The following RABGAP1L variants were observed in gnomAD, a reference collection of about 807,000 sequenced individuals.
The protein encoded by RABGAP1L is rab GTPase-activating protein 1-like.
A neutral mutation model predicts 137.7 loss-of-function variants in RABGAP1L; 63 were observed. The ratio of observed to expected loss-of-function variants is 0.46; its 90% CI spans 0.37 to 0.56. The LOEUF (loss-of-function observed/expected upper bound fraction) is 0.56, where lower values mean the gene tolerates loss of function less well. Among genes scored for constraint, RABGAP1L ranks in the 20% least tolerant of loss-of-function variants. The pLI, the probability that RABGAP1L is intolerant of heterozygous loss-of-function variation, is 0.00. For missense variants in RABGAP1L, 1,095 were observed against 1,244.0 expected, an observed-to-expected ratio of 0.88 and a Z score of 1.80; for synonymous variants, 431 against 433.7, an observed-to-expected ratio of 0.99 and a Z score of 0.08.
chr1:174,865,366 TAATA>T (rs1289095836), intron 19 of RABGAP1L, among the ~76,000 whole-genome samples: 2 of 152,090 alleles, frequency 1.3e-5, no homozygotes, highest in African/African-American at 4.8e-5. Context: ...CAACTTATAT[TAATA>T]GTGTTAAGCG....
At chr1:174,315,012 T>A (rs1390470871) in intron 11 of RABGAP1L, among the ~76,000 whole-genome samples, 1 of 152,138 alleles carries the variant, frequency 6.6e-6, no homozygotes, top group African/African-American at 2.4e-5. Flanking sequence ...GTCCATTAGG[T>A]CTATGATGCA....
chr1:174,704,280 T>C (rs1457346485), intron 17 of RABGAP1L, among the ~76,000 whole-genome samples: 1 of 152,224 alleles, frequency 6.6e-6, no homozygotes, highest in Admixed American at 6.5e-5. Flanking sequence ...GCCAGATTCC[T>C]CTTTCTTAAA....
At chr1:174,588,305 A>G (rs1237875138) in intron 13 of RABGAP1L, among the ~76,000 whole-genome samples, 2 of 152,114 alleles carry the variant, frequency 1.3e-5, no homozygotes, top group African/African-American at 4.8e-5. Flanking sequence ...CCAAGATTAC[A>G]GGCATGCACC....
rs978768650 is a variant in RABGAP1L at position 174,832,119 on chromosome 1, C to G, written c.2340+20159C>G. On this transcript the variant is annotated intron_variant, in intron 19 of 25. Coordinates refer to ENST00000681986, the MANE Select transcript of RABGAP1L (RefSeq NM_001366446.1). ...ACTAGCCTGGCCATCATAGTGAAAC[C>G]CTGTCTCTACAAAAAATGCAAAAAT... Among the ~76,000 whole-genome samples the G allele has an allele frequency of 7.5e-5, 11 of 146,586 alleles. 1 individual carries two copies. Among genetic ancestry groups the G allele is most frequent in the African/African-American group, 2.5e-4 (10 of 40,170 alleles).
intron 1 of RABGAP1L, among the ~76,000 whole-genome samples, chr1:174,203,957 T>A (rs925500400): frequency 2.9e-5 from 4 of 139,810 alleles, no homozygotes; most frequent in Admixed American, 2.1e-4. Context: ...TTTTTTTTTT[T>A]AAAGATAGTG....
rs777928134 is a variant in RABGAP1L at position 174,578,791 on chromosome 1, CTA to C, written c.1711-58582_1711-58581del. On this transcript the variant is annotated intron_variant, in intron 13 of 25. Coordinates refer to ENST00000681986, the MANE Select transcript of RABGAP1L (RefSeq NM_001366446.1). ...ATTGTATTTTCTAAGATAAATTCTT[CTA>C]TGTTATATTATTACTTTATTAAAAT... 2.0e-5 allele frequency among the ~76,000 whole-genome samples: 3 copies of C among 150,592 alleles called. No homozygotes were observed. The South Asian group carries it at 6.3e-4, about 32-fold the overall frequency.
intron 13 of RABGAP1L, among the ~76,000 whole-genome samples, chr1:174,621,072 A>G (rs962476874): frequency 2.6e-5 from 4 of 152,310 alleles, no homozygotes; most frequent in African/African-American, 9.6e-5. Flanking sequence ...ACACCCTCCC[A>G]AGACTAAACC....
At chr1:174,284,055 A>T (rs1371125985) in intron 10 of RABGAP1L, among the ~76,000 whole-genome samples, 9 of 152,214 alleles carry the variant, frequency 5.9e-5, no homozygotes, top group Non-Finnish European at 1.5e-5. Flanking sequence ...TTGTGAAATG[A>T]TTACCGAAAT....
chr1:174,856,883 C>T (rs1450031880), intron 19 of RABGAP1L, among the ~76,000 whole-genome samples: 1 of 151,628 alleles, frequency 6.6e-6, no homozygotes. Flanking sequence ...GTCAAGATCA[C>T]CCCACTGCAT....
chr1:174,698,126 A>G (rs1380486894), intron 15 of RABGAP1L, among the ~76,000 whole-genome samples: 3 of 152,224 alleles, frequency 2.0e-5, no homozygotes, highest in African/African-American at 7.2e-5. Context: ...GAAATACCAT[A>G]ATCAACCAAA....
At chr1:174,660,890 C>A (rs1676326179) in intron 14 of RABGAP1L, among the ~76,000 whole-genome samples, 1 of 152,174 alleles carries the variant, frequency 6.6e-6, no homozygotes, top group African/African-American at 2.4e-5. Flanking sequence ...GCACTTATTG[C>A]CTTCAAAGAT....
chr1:174,246,486 T>G (rs1672273795), intron 5 of RABGAP1L: 1 of 152,286 alleles, frequency 6.6e-6, no homozygotes, highest in East Asian at 1.9e-4. Flanking sequence ...ATCCATGGAG[T>G]CAACTAACCA....
intron 12 of RABGAP1L, among the ~76,000 whole-genome samples, chr1:174,379,032 A>G (rs969866875): frequency 7.2e-6 from 1 of 138,170 alleles, no homozygotes; most frequent in Non-Finnish European, 1.5e-5. Context: ...AGCACCATTT[A>G]TTAAATAGGG....
chr1:174,498,547 T>G (rs753533464), intron 13 of RABGAP1L, among the ~76,000 whole-genome samples: 2 of 152,068 alleles, frequency 1.3e-5, no homozygotes, highest in Non-Finnish European at 2.9e-5. Flanking sequence ...CAGGCTGGAG[T>G]GCAGTGGTAT....
intron 17 of RABGAP1L, among the ~76,000 whole-genome samples, chr1:174,748,119 T>C (rs972514018): frequency 6.6e-6 from 1 of 152,220 alleles, no homozygotes; most frequent in Non-Finnish European, 1.5e-5. Context: ...TAGAGATCTT[T>C]ATTTACTTAA....
At chr1:174,501,876 A>G (rs1308561740) in intron 13 of RABGAP1L, among the ~76,000 whole-genome samples, 1 of 151,302 alleles carries the variant, frequency 6.6e-6, no homozygotes, top group African/African-American at 2.4e-5. Flanking sequence ...TCTAGGGGAA[A>G]ATATCCTTCT....
intron 1 of RABGAP1L, among the ~76,000 whole-genome samples, chr1:174,197,197 G>A (rs992561164): frequency 2.0e-5 from 3 of 152,106 alleles, no homozygotes; most frequent in Admixed American, 2.0e-4. Flanking sequence ...TGTTTTTCCT[G>A]TAAACTTAAT....
intron 11 of RABGAP1L, among the ~76,000 whole-genome samples, chr1:174,353,880 T>A (rs1480411052): frequency 1.3e-5 from 2 of 152,210 alleles, no homozygotes; most frequent in Admixed American, 6.5e-5. Flanking sequence ...TTCTTTACCA[T>A]GTCTGGTATT....
At chr1:174,368,917 T>C (rs571486569) in intron 11 of RABGAP1L, among the ~76,000 whole-genome samples, 8 of 152,342 alleles carry the variant, frequency 5.3e-5, no homozygotes, top group African/African-American at 1.9e-4. Context: ...AGATTTATAA[T>C]ATCTAGGAAT....
Sources: allele counts gnomAD v4.1 joint callset (sites outside exome capture counted in the v4.1 genomes callset), GRCh38; gene constraint gnomAD v4.1.1; transcripts MANE v1.5; gene names NCBI Gene and HGNC (gene_info 2026-07-23, HGNC 2026-07-21).